ANKRD6: variants seen among roughly 807,000 people sequenced by gnomAD.
The protein encoded by ANKRD6 is ankyrin repeat domain 6.
In ANKRD6, 56 loss-of-function variants were observed where a neutral mutation model predicts 82.3. The observed-to-expected ratio is 0.68, with a 90% confidence interval of 0.55 to 0.85. The LOEUF (loss-of-function observed/expected upper bound fraction) is 0.85, where lower values mean the gene tolerates loss of function less well. Among genes scored for constraint, ANKRD6 ranks in the 40% least tolerant of loss-of-function variants. ANKRD6 has a pLI of 0.00. For synonymous variants in ANKRD6, 347 were observed against 352.1 expected, an observed-to-expected ratio of 0.99 and a Z score of 0.16; for missense variants, 852 against 907.6, an observed-to-expected ratio of 0.94 and a Z score of 0.79.
chr6:89,477,094 C>T (rs1032459102), intron 1 of ANKRD6, among the ~76,000 whole-genome samples: 4 of 151,980 alleles, frequency 2.6e-5, no homozygotes, highest in Non-Finnish European at 5.9e-5. Flanking sequence ...ACAGGCACCC[C>T]CTACCACGCC....
rs1788657489 is a variant in ANKRD6, at chr6:89,566,953, C to T, written c.-24C>T. 2 of 1,562,608 alleles carry T rather than the reference C, an allele frequency of 1.3e-6. No homozygotes were observed. Among genetic ancestry groups the T allele is most frequent in the Admixed American group, 1.9e-5 (1 of 52,424 alleles). ...CTGAAGGAACTTGTCTACCGCTTCC[C>T]TGAAAACCTTTCTTTCCTAATTCAT... On this transcript the variant is annotated 5_prime_UTR_variant, in exon 2 of 16. Coordinates refer to ENST00000339746, the MANE Select transcript of ANKRD6 (RefSeq NM_001242809.2).
chr6:89,527,060 T>C (rs1421783916), intron 1 of ANKRD6, among the ~76,000 whole-genome samples: 1 of 152,204 alleles, frequency 6.6e-6, no homozygotes, highest in Non-Finnish European at 1.5e-5. Flanking sequence ...TAACCAGATA[T>C]CTGGGCATCC....
intron 5 of ANKRD6, among the ~76,000 whole-genome samples, chr6:89,609,420 C>T (rs915936562): frequency 6.6e-6 from 1 of 150,520 alleles, no homozygotes; most frequent in South Asian, 2.1e-4. Flanking sequence ...TCCTGCCTCA[C>T]CCTCCCGAGT....
chr6:89,612,657 A>G (rs1800510738), intron 6 of ANKRD6, among the ~76,000 whole-genome samples: 1 of 152,230 alleles, frequency 6.6e-6, no homozygotes, highest in African/African-American at 2.4e-5. Context: ...ATTACAGACT[A>G]GGAAACCAGT....
chr6:89,554,514 C>T (rs1159253391), intron 1 of ANKRD6, among the ~76,000 whole-genome samples: 2 of 151,848 alleles, frequency 1.3e-5, no homozygotes, highest in East Asian at 3.9e-4. Flanking sequence ...TTTTGGGGAC[C>T]CACCATTCAG....
At chr6:89,458,263 A>G (rs1368890977) in intron 1 of ANKRD6, among the ~76,000 whole-genome samples, 1 of 152,246 alleles carries the variant, frequency 6.6e-6, no homozygotes, top group African/African-American at 2.4e-5. Context: ...ATTTTGGGCT[A>G]TAACTGTGGA....
chr6:89,551,227 A>G (rs909740367), intron 1 of ANKRD6, among the ~76,000 whole-genome samples: 1 of 152,188 alleles, frequency 6.6e-6, no homozygotes, highest in African/African-American at 2.4e-5. Context: ...GCCCCCACCT[A>G]TCGTCAGTAG....
chr6:89,613,815 T>C lies in ANKRD6; in HGVS notation c.540T>C (p.Val180=), dbSNP rs753271142. ...KNNAGDTCLH[V]AARYNHLSII... ...AGGCAGGAGACACCTGTTTGCACGT[T>C]GCTGCGCGCTATAATCACTTGTCCA... The change falls in exon 7 of 16, where the codon GTT becomes GTC. Residue 180 remains valine (V), a synonymous_variant. Coordinates refer to ENST00000339746, the MANE Select transcript of ANKRD6 (RefSeq NM_001242809.2). The C allele has an allele frequency of 1.1e-5, 18 of 1,613,956 alleles. 1 individual carries two copies. In the South Asian group the frequency reaches 1.9e-4, roughly 17 times the overall value.
chr6:89,490,589 A>C (rs1777902581), intron 1 of ANKRD6, among the ~76,000 whole-genome samples: 1 of 152,238 alleles, frequency 6.6e-6, no homozygotes, highest in Non-Finnish European at 1.5e-5. Context: ...GTTGTGACAC[A>C]GTGGTGACTG....
At chr6:89,511,138 C>T (rs1258933520) in intron 1 of ANKRD6, among the ~76,000 whole-genome samples, 5 of 152,200 alleles carry the variant, frequency 3.3e-5, no homozygotes, top group African/African-American at 9.7e-5. Context: ...TGAAGGGGTA[C>T]GAGTGGGCCC....
intron 5 of ANKRD6, among the ~76,000 whole-genome samples, chr6:89,611,267 G>A (rs1800183790): frequency 6.6e-6 from 1 of 151,920 alleles, no homozygotes; most frequent in Admixed American, 6.6e-5. Context: ...AGAAGGGTGT[G>A]AACTAGGTGA....
At chr6:89,558,619 A>G (rs1786950281) in intron 1 of ANKRD6, among the ~76,000 whole-genome samples, 1 of 152,136 alleles carries the variant, frequency 6.6e-6, no homozygotes, top group African/African-American at 2.4e-5. Context: ...GGGCAGTGAA[A>G]CTACTCTTTG....
At chr6:89,549,923 A>C (rs1472283766) in intron 1 of ANKRD6, among the ~76,000 whole-genome samples, 80 of 87,118 alleles carry the variant, frequency 9.2e-4, no homozygotes, top group Admixed American at 8.7e-3. Context: ...TAAAAAAAAG[A>C]AAAGAAAAAA....
At position 89,630,696 on chromosome 6, in the gene ANKRD6, A is replaced by G; in HGVS notation, c.1876A>G (p.Ser626Gly). The change falls in exon 16 of 16, where the codon AGT (serine) becomes GGT (glycine). Residue 626 changes from serine (S) to glycine (G), a missense_variant. Physicochemically the swap from Ser to Gly is moderately conservative, Grantham distance 56. Transcript: ENST00000339746. Reference sequence around the variant, plus strand: ...CACTCAAACTAAGAAGTCTGGGAAGAGTGGGCCAACAAGGCATCGTGCCCA... The same window carrying G: ...CACTCAAACTAAGAAGTCTGGGAAGGGTGGGCCAACAAGGCATCGTGCCCA... ...RGTQTKKSGK[S>G]GPTRHRAQQP... 6.2e-7 allele frequency: 1 copy of G among 1,614,022 alleles called. No individual in the cohort carries two copies. Among genetic ancestry groups the G allele is most frequent in the Non-Finnish European group, 8.5e-7 (1 of 1,179,886 alleles).
intron 9 of ANKRD6, among the ~76,000 whole-genome samples, chr6:89,619,351 A>G (rs1177739417): frequency 1.3e-5 from 2 of 152,134 alleles, no homozygotes; most frequent in Admixed American, 1.3e-4. Context: ...TTCTCTGGCA[A>G]TTTCAGTATG....
intron 1 of ANKRD6, among the ~76,000 whole-genome samples, chr6:89,541,386 G>GTTTTTTTT: frequency 9.5e-6 from 1 of 105,450 alleles, no homozygotes; most frequent in Non-Finnish European, 2.0e-5. Flanking sequence ...TTTACGTGTG[G>GTTTTTTTT]CTTTTTTTTT....
chr6:89,602,171 G>A (rs933601824), intron 3 of ANKRD6: 5 of 152,310 alleles, frequency 3.3e-5, no homozygotes, highest in South Asian at 2.1e-4. Flanking sequence ...TCCCTTTCAA[G>A]GCTGGACCAC....
intron 1 of ANKRD6, among the ~76,000 whole-genome samples, chr6:89,529,710 T>G (rs957860537): frequency 1.3e-5 from 2 of 152,198 alleles, no homozygotes; most frequent in African/African-American, 4.8e-5. Context: ...AAACTTGTCC[T>G]TTCACTTAGA....
At chr6:89,474,466 G>A (rs1775823617) in intron 1 of ANKRD6, among the ~76,000 whole-genome samples, 1 of 152,178 alleles carries the variant, frequency 6.6e-6, no homozygotes, top group African/African-American at 2.4e-5. Context: ...CACCCAGGCT[G>A]GAGTGCAGTG....
Sources: allele counts gnomAD v4.1 joint callset (sites outside exome capture counted in the v4.1 genomes callset), GRCh38; gene constraint gnomAD v4.1.1; transcripts MANE v1.5; gene names NCBI Gene and HGNC (gene_info 2026-07-23, HGNC 2026-07-21).